Variants in DSCAM observed in about 807,000 individuals in gnomAD.
DSCAM encodes cell adhesion molecule DSCAM.
In DSCAM, 47 loss-of-function variants were observed where a neutral mutation model predicts 217.7. The ratio of observed to expected loss-of-function variants is 0.22; its 90% CI spans 0.17 to 0.28. The LOEUF is 0.28. Ranked by LOEUF, DSCAM falls within the 10% of genes least tolerant of loss-of-function variation. The pLI is 1.00. For synonymous variants in DSCAM, 1,056 were observed against 1,015.3 expected, an observed-to-expected ratio of 1.04 and a Z score of -0.76; for missense variants, 2,080 against 2,618.3, an observed-to-expected ratio of 0.79 and a Z score of 4.49.
chr21:40,701,147 G>A (rs1353620252), intron 2 of DSCAM, among the ~76,000 whole-genome samples: 1 of 152,182 alleles, frequency 6.6e-6, no homozygotes, highest in Non-Finnish European at 1.5e-5. Flanking sequence ...TTCTTTAATA[G>A]ATATAGGGCT....
chr21:40,502,294 T>C (rs1035682929), intron 3 of DSCAM, among the ~76,000 whole-genome samples: 2 of 152,208 alleles, frequency 1.3e-5, no homozygotes, highest in South Asian at 2.1e-4. Context: ...ATCTAGTGTG[T>C]CATTTAATAA....
chr21:40,208,524 G>A (rs2091149519), intron 11 of DSCAM, among the ~76,000 whole-genome samples: 1 of 152,196 alleles, frequency 6.6e-6, no homozygotes, highest in Non-Finnish European at 1.5e-5. Flanking sequence ...ATGGAGAATG[G>A]CTCACTGAGC....
At chr21:40,128,031 A>G (rs1385060544) in intron 19 of DSCAM, among the ~76,000 whole-genome samples, 2 of 151,642 alleles carry the variant, frequency 1.3e-5, no homozygotes, top group African/African-American at 4.9e-5. Flanking sequence ...CATTTCCTCC[A>G]GGAAGTCTTC....
chr21:40,214,950 A>ATCAACCTGCG lies in DSCAM; in HGVS notation c.2357-25713_2357-25712insCGCAGGTTGA, dbSNP rs377368386. ...CAATTCACAACTGTAAAGATATGGA[A>ATCAACCTGCG]TCCTCACGCCTGTAATCCCAGCACT... On this transcript the variant is annotated intron_variant, in intron 11 of 32. Transcript: ENST00000400454. 3.8e-5 allele frequency among the ~76,000 whole-genome samples: 4 copies of ATCAACCTGCG among 103,938 alleles called. No individual in the cohort carries two copies. In the East Asian group the frequency reaches 1.6e-3, roughly 41 times the overall value. 68.2% of individuals were successfully genotyped at this position (103,938 alleles called of 152,430 possible).
intron 3 of DSCAM, among the ~76,000 whole-genome samples, chr21:40,465,529 AT>A (rs1295924690): frequency 1.3e-5 from 2 of 152,224 alleles, no homozygotes; most frequent in Non-Finnish European, 2.9e-5. Flanking sequence ...GAGACGAGCC[AT>A]TCATCTCATT....
chr21:40,481,624 T>C (rs56657987), intron 3 of DSCAM, among the ~76,000 whole-genome samples: 70 of 151,316 alleles, frequency 4.6e-4, no homozygotes, highest in African/African-American at 1.4e-3. Context: ...TTTTTCAGTA[T>C]GAGTGGAAAT....
intron 10 of DSCAM, among the ~76,000 whole-genome samples, chr21:40,293,121 G>A (rs1437039790): frequency 1.3e-5 from 2 of 152,122 alleles, no homozygotes; most frequent in East Asian, 3.9e-4. Flanking sequence ...CAGTTGCCAG[G>A]TATCCAACAC....
At chr21:40,237,199 T>C (rs1601469889) in intron 11 of DSCAM, among the ~76,000 whole-genome samples, 1 of 152,222 alleles carries the variant, frequency 6.6e-6, no homozygotes, top group African/African-American at 2.4e-5. Context: ...GTATTCCTTC[T>C]GGAGGCACTA....
At chr21:40,351,662 G>A (rs2074632540) in intron 5 of DSCAM, among the ~76,000 whole-genome samples, 1 of 152,212 alleles carries the variant, frequency 6.6e-6, no homozygotes, top group Non-Finnish European at 1.5e-5. Flanking sequence ...GTTAGAAGAA[G>A]CAGTCAGAAG....
intron 3 of DSCAM, among the ~76,000 whole-genome samples, chr21:40,475,260 C>A (rs1195599808): frequency 6.6e-6 from 1 of 152,206 alleles, no homozygotes; most frequent in African/African-American, 2.4e-5. Context: ...TTATTTAGGT[C>A]TTGGCATTCA....
At chr21:40,643,529 T>C (rs1003856564) in intron 3 of DSCAM, among the ~76,000 whole-genome samples, 2 of 152,196 alleles carry the variant, frequency 1.3e-5, no homozygotes, top group African/African-American at 4.8e-5. Context: ...TGCAAAGCTC[T>C]GGCTTGAGAT....
chr21:40,679,963 C>T (rs1023654796), intron 3 of DSCAM, among the ~76,000 whole-genome samples: 1 of 152,078 alleles, frequency 6.6e-6, no homozygotes, highest in Non-Finnish European at 1.5e-5. Flanking sequence ...GGTGTCCTGA[C>T]CTTCTGGTTT....
rs192256407 is a variant in DSCAM at position 40,694,212 on chromosome 21, A to G, written c.362-1256T>C. On this transcript the variant is annotated intron_variant, in intron 2 of 32. Coordinates refer to ENST00000400454, the MANE Select transcript of DSCAM (RefSeq NM_001389.5). Reference sequence around the variant, plus strand: ...TTAGAGCTTTGTTTTCCTCAAATTTAAAATGAGGGCATTGTGGTGGGAACC... The same window carrying G: ...TTAGAGCTTTGTTTTCCTCAAATTTGAAATGAGGGCATTGTGGTGGGAACC... 2.0e-5 allele frequency among the ~76,000 whole-genome samples: 3 copies of G among 152,340 alleles called. No homozygotes were observed. In the East Asian group the frequency reaches 5.8e-4, roughly 29 times the overall value.
chr21:40,595,781 A>G (rs2077017093), intron 3 of DSCAM, among the ~76,000 whole-genome samples: 1 of 152,250 alleles, frequency 6.6e-6, no homozygotes, highest in African/African-American at 2.4e-5. Context: ...AGAAAGGAAA[A>G]TAGCAAAGAA....
At chr21:40,579,289 A>G (rs1158448590) in intron 3 of DSCAM, among the ~76,000 whole-genome samples, 4 of 152,146 alleles carry the variant, frequency 2.6e-5, no homozygotes, top group Non-Finnish European at 2.9e-5. Flanking sequence ...AAAAACCTCA[A>G]TAAAACTTCA....
intron 1 of DSCAM, among the ~76,000 whole-genome samples, chr21:40,772,029 T>C (rs2091449394): frequency 6.6e-6 from 1 of 152,188 alleles, no homozygotes; most frequent in African/African-American, 2.4e-5. Context: ...CACATGCTGA[T>C]AACTTCAAAG....
intron 8 of DSCAM, among the ~76,000 whole-genome samples, chr21:40,320,424 T>A (rs1345867163): frequency 7.9e-6 from 1 of 126,398 alleles, no homozygotes; most frequent in African/African-American, 2.8e-5. Context: ...TTATTAGAAT[T>A]GTATCACACA....
At chr21:40,054,244 G>A (rs563193122) in intron 29 of DSCAM, among the ~76,000 whole-genome samples, 2 of 152,120 alleles carry the variant, frequency 1.3e-5, no homozygotes, top group Non-Finnish European at 2.9e-5. Flanking sequence ...ATAAAATCTT[G>A]TGTACTTTAG....
intron 3 of DSCAM, among the ~76,000 whole-genome samples, chr21:40,426,847 G>T (rs2075479695): frequency 6.6e-6 from 1 of 152,054 alleles, no homozygotes; most frequent in South Asian, 2.1e-4. Context: ...ATTCTCCTCA[G>T]TCAAGCCCAA....
Sources: gnomAD v4.1 joint callset for allele counts (sites outside exome capture counted in the v4.1 genomes callset) on GRCh38, gnomAD v4.1.1 for gene constraint, MANE v1.5 for transcripts, NCBI Gene and HGNC (gene_info 2026-07-23, HGNC 2026-07-21) for gene names.